VAV1: variants seen among roughly 807,000 people sequenced by gnomAD.
The protein encoded by VAV1 is vav guanine nucleotide exchange factor 1.
VAV1 carries 33 observed loss-of-function variants against 128.1 expected under a neutral mutation model. The observed-to-expected ratio is 0.26, with a 90% CI of 0.20 to 0.34. VAV1 has a LOEUF of 0.34. VAV1 is among the 10% of genes least tolerant of loss of function. The pLI, the probability that VAV1 is intolerant of heterozygous loss-of-function variation, is 1.00. For missense variants in VAV1, 715 were observed against 1,093.7 expected (o/e 0.65, Z 4.88); for synonymous variants, 394 against 409.8 (o/e 0.96, Z 0.47).
At position 6,822,294 on chromosome 19, in the gene VAV1, G is replaced by A; in HGVS notation, c.523G>A (p.Glu175Lys). 1 of 1,590,276 alleles carries A rather than the reference G, an allele frequency of 6.3e-7. No homozygotes were observed. The highest frequency in any genetic ancestry group is 8.5e-7 in the Non-Finnish European group (1 of 1,169,942). ...GGAGGCGGAAGGCGACGAGATCTAT[G>A]AGGACCTCATGCGCTCGGAGCCCGT... The part of the protein sequence containing the change: ...NEEAEGDEIY[E>K]DLMRSEPVSM... The change falls in exon 5 of 27, where the codon GAG (glutamate) becomes AAG (lysine). Residue 175 changes from glutamate (E) to lysine (K), a missense_variant. Around this residue, in one of 3 missense-constraint regions of VAV1, gnomAD observed 302 missense variants for 477.8 expected, o/e 0.63. Transcript: ENST00000602142. The surrounding 1 kb of genome is among the most constrained non-coding windows in gnomAD (Gnocchi z 5.9).
At position 6,836,546 on chromosome 19, in the gene VAV1, A is replaced by C; in HGVS notation, c.1892A>C (p.Glu631Ala). 6.2e-7 allele frequency: 1 copy of C among 1,614,040 alleles called. No individual in the cohort carries two copies. The highest frequency in any genetic ancestry group is 8.5e-7 in the Non-Finnish European group (1 of 1,179,994). Residue 631 changes from glutamate (E) to alanine (A), a missense_variant, in exon 20 of 27, where the codon GAG becomes GCG. Physicochemically the swap from Glu to Ala is moderately radical, Grantham distance 107. Coordinates refer to ENST00000602142, the MANE Select transcript of VAV1 (RefSeq NM_005428.4). The stretch of plus-strand genomic sequence containing the variant: ...GACATTGTGGAGCTCACGAAGGCTG[A>C]GGCTGAACAGAACTGGTGGGAGGTA... ...PGDIVELTKA[E>A]AEQNWWEGRN... is the part of the protein sequence containing the mutation.
intron 1 of VAV1, among the ~76,000 whole-genome samples, chr19:6,785,868 C>T (rs797629): frequency 0.2 from 30,930 of 151,572 alleles, 3,284 homozygotes; most frequent in African/African-American, 0.26. Flanking sequence ...CCATGTTGGC[C>T]AGCTGGTCTT....
chr19:6,773,337 C>T (rs541347176), intron 1 of VAV1, among the ~76,000 whole-genome samples: 19 of 152,234 alleles, frequency 1.2e-4, no homozygotes, highest in Admixed American at 4.6e-4. Flanking sequence ...CCAGAGGTCT[C>T]GGGGGAGCTC....
rs556842495 is a variant in VAV1, at chr19:6,824,914, G to A, written c.655-139G>A. 73 of 920,056 alleles carry A rather than the reference G, an allele frequency of 7.9e-5. No homozygotes were observed. The South Asian group carries it at 9.5e-4, about 12-fold the overall frequency. The allele number at this position is 920,056 out of a possible 1,614,324, so 57.0% of individuals were successfully genotyped here. A position where few individuals can be genotyped will look rare whatever the true frequency, so the allele number is the denominator to read the frequency against. ...GGGTTATTATGAATAATTTCACTGT[G>A]AACATTCTTGTACAAGTTTTTGTGT... On this transcript the variant is annotated intron_variant, in intron 6 of 26. Coordinates refer to ENST00000602142, the MANE Select transcript of VAV1 (RefSeq NM_005428.4).
intron 13 of VAV1, among the ~76,000 whole-genome samples, chr19:6,829,331 G>A (rs932163023): frequency 6.7e-6 from 1 of 148,524 alleles, no homozygotes; most frequent in African/African-American, 2.5e-5. Context: ...AGTCAACATA[G>A]GTCTGGGGAA....
rs1970663501 is a variant in VAV1 at position 6,777,221 on chromosome 19, T to C, written c.204+4210T>C. On this transcript the variant is annotated intron_variant, in intron 1 of 26. Transcript: ENST00000602142. This position sits in a 1 kb window ranked among gnomAD's most constrained non-coding sequence, Gnocchi z 4.4. Reference sequence around the variant, plus strand: ...TCCATCCATTCATTCATCCATCCATTTATCTGTTTAACTATCCATCCATCC... The same window carrying C: ...TCCATCCATTCATTCATCCATCCATCTATCTGTTTAACTATCCATCCATCC... Among the ~76,000 whole-genome samples, 1 of 141,524 alleles carries C rather than the reference T, an allele frequency of 7.1e-6. No homozygotes were observed. Among genetic ancestry groups the C allele is most frequent in the African/African-American group, 2.7e-5 (1 of 37,160 alleles). 92.8% of individuals were successfully genotyped at this position (141,524 alleles called of 152,430 possible).
At chr19:6,848,662 CAA>C in intron 23 of VAV1, among the ~76,000 whole-genome samples, 1 of 152,198 alleles carries the variant, frequency 6.6e-6, no homozygotes, top group Middle Eastern at 3.4e-3. Flanking sequence ...CTCGGCCTCC[CAA>C]AGTGTTGGGA....
intron 23 of VAV1, among the ~76,000 whole-genome samples, chr19:6,849,778 G>T (rs1426915505): frequency 6.6e-6 from 1 of 152,082 alleles, no homozygotes; most frequent in East Asian, 1.9e-4. Context: ...CTTCTTTATG[G>T]CTGTATAGTA....
intron 1 of VAV1, among the ~76,000 whole-genome samples, chr19:6,782,209 A>G (rs1391925233): frequency 6.6e-6 from 1 of 152,076 alleles, no homozygotes; most frequent in Non-Finnish European, 1.5e-5. Flanking sequence ...GGGCACCTGT[A>G]ATCCCAGCTA....
At chr19:6,823,620 T>C (rs1395992979) in intron 6 of VAV1, among the ~76,000 whole-genome samples, 1 of 151,474 alleles carries the variant, frequency 6.6e-6, no homozygotes, top group Non-Finnish European at 1.5e-5. Context: ...GGCCTCTTCC[T>C]CTTGTCTCTC....
At chr19:6,834,065 A>T in intron 19 of VAV1, 112 bp downstream of exon 19, 1 of 1,462,358 alleles carries the variant, frequency 6.8e-7, no homozygotes, top group Non-Finnish European at 9.5e-7. Flanking sequence ...GGCCGGGTGC[A>T]ATAGCTCACA....
chr19:6,823,298 G>A (rs940757817), intron 6 of VAV1, among the ~76,000 whole-genome samples: 1 of 150,718 alleles, frequency 6.6e-6, no homozygotes, highest in Non-Finnish European at 1.5e-5. Context: ...ACTAATTTTT[G>A]TATTTTTAGT....
At position 6,777,992 on chromosome 19, in the gene VAV1, A is replaced by G. The variant is rs1168963926; in HGVS notation, c.204+4981A>G. On this transcript the variant is annotated intron_variant, in intron 1 of 26. Coordinates refer to ENST00000602142, the MANE Select transcript of VAV1 (RefSeq NM_005428.4). This position sits in a 1 kb window ranked among gnomAD's most constrained non-coding sequence, Gnocchi z 4.4. ...ATTTCTGTTGCCCAGGCTGGAGTAC[A>G]GTGGCATGATCTTGGCTCACTGCAA... 6.6e-6 allele frequency among the ~76,000 whole-genome samples: 1 copy of G among 151,926 alleles called. No homozygotes were observed. Among genetic ancestry groups the G allele is most frequent in the Non-Finnish European group, 1.5e-5 (1 of 67,988 alleles).
chr19:6,827,343 C>T (rs945427329), intron 9 of VAV1, among the ~76,000 whole-genome samples: 4 of 152,066 alleles, frequency 2.6e-5, no homozygotes, highest in African/African-American at 9.7e-5. Context: ...TCATAGCTCA[C>T]CACAGCCTCG....
At chr19:6,853,240 A>AT (rs111451128) in intron 25 of VAV1, among the ~76,000 whole-genome samples, 161 bp downstream of exon 25, 13,286 of 150,452 alleles carry the variant, frequency 0.088, 751 homozygotes, top group African/African-American at 0.14. Flanking sequence ...TCCTATATAT[A>AT]TTTTAATATA....
At chr19:6,814,716 CTT>C (rs1555701503) in intron 1 of VAV1, among the ~76,000 whole-genome samples, 1 of 132,000 alleles carries the variant, frequency 7.6e-6, no homozygotes, top group African/African-American at 2.9e-5. Context: ...TTCTTTCTTT[CTT>C]TCTTTCTTTC....
intron 21 of VAV1, among the ~76,000 whole-genome samples, chr19:6,839,797 C>T (rs999521253): frequency 6.6e-6 from 1 of 151,926 alleles, no homozygotes; most frequent in Non-Finnish European, 1.5e-5. Flanking sequence ...CTCAGGTGGT[C>T]CTCACACTTC....
At chr19:6,787,573 G>GATTTATTT (rs74174839) in intron 1 of VAV1, among the ~76,000 whole-genome samples, 6,729 of 147,122 alleles carry the variant, frequency 0.046, 272 homozygotes, top group African/African-American at 0.1. Context: ...AACTACTCCA[G>GATTTATTT]ATTTATTTAT....
intron 1 of VAV1, among the ~76,000 whole-genome samples, chr19:6,809,372 T>A (rs898537665): frequency 6.6e-6 from 1 of 152,132 alleles, no homozygotes; most frequent in Non-Finnish European, 1.5e-5. Flanking sequence ...TGAGCCACCA[T>A]ACCCGGCAAT....
Sources: allele counts gnomAD v4.1 joint callset (sites outside exome capture counted in the v4.1 genomes callset), GRCh38; gene constraint gnomAD v4.1.1; regional missense constraint gnomAD v4.1.1; non-coding constraint Gnocchi (gnomAD v3.1); transcripts MANE v1.5; gene names NCBI Gene and HGNC (gene_info 2026-07-23, HGNC 2026-07-21).